MARCHF4: variants seen among roughly 807,000 people sequenced by gnomAD.
MARCHF4 encodes E3 ubiquitin-protein ligase MARCHF4.
In MARCHF4, 14 loss-of-function variants were observed where a neutral mutation model predicts 43.9. That is an observed-to-expected ratio of 0.32 (90% CI 0.21 to 0.50). The LOEUF (loss-of-function observed/expected upper bound fraction) is 0.50, where lower values mean the gene tolerates loss of function less well. MARCHF4 is among the 20% of genes least tolerant of loss of function. The pLI, the probability that MARCHF4 is intolerant of heterozygous loss-of-function variation, is 0.98. For missense variants in MARCHF4, 468 were observed against 536.7 expected (o/e 0.87, Z 1.27); for synonymous variants, 226 against 213.3 (o/e 1.06, Z -0.52).
At chr2:216,339,663 T>C (rs1183732691) in intron 1 of MARCHF4, among the ~76,000 whole-genome samples, 1 of 152,186 alleles carries the variant, frequency 6.6e-6, no homozygotes, top group African/African-American at 2.4e-5. Flanking sequence ...ACAATCCTTT[T>C]CAAATCCTCA....
intron 1 of MARCHF4, among the ~76,000 whole-genome samples, chr2:216,300,340 A>ATATATATGTATATACATATATATATACG (rs1691473275): frequency 1.5e-5 from 2 of 135,074 alleles, no homozygotes; most frequent in African/African-American, 6.1e-5. Context: ...CCATCTCGAT[A>ATATATATGTATATACATATATATATACG]TATATATATG....
intron 3 of MARCHF4, among the ~76,000 whole-genome samples, chr2:216,267,733 C>T (rs1032165401): frequency 6.6e-6 from 1 of 152,312 alleles, no homozygotes; most frequent in East Asian, 1.9e-4. Flanking sequence ...CAAATTGGGG[C>T]TATTTCTAGT....
chr2:216,280,638 G>T (rs1159642195), intron 2 of MARCHF4, among the ~76,000 whole-genome samples: 1 of 152,164 alleles, frequency 6.6e-6, no homozygotes, highest in Non-Finnish European at 1.5e-5. Flanking sequence ...TCCCAAACGT[G>T]CCTGTGCAGA....
chr2:216,277,502 C>CTT (rs1691045068), intron 3 of MARCHF4, among the ~76,000 whole-genome samples, 170 bp downstream of exon 3: 2 of 152,170 alleles, frequency 1.3e-5, no homozygotes, highest in African/African-American at 4.8e-5. Flanking sequence ...GCCTCCTCCC[C>CTT]CTTCCCATCC....
intron 1 of MARCHF4, among the ~76,000 whole-genome samples, chr2:216,368,686 C>G (rs113786787): frequency 0.018 from 2,742 of 152,358 alleles, 93 homozygotes; most frequent in African/African-American, 0.062. Flanking sequence ...CCTCCCTGCA[C>G]TTCAGGAAAC....
intron 1 of MARCHF4, among the ~76,000 whole-genome samples, chr2:216,306,433 T>G (rs75175701): frequency 0.069 from 10,460 of 152,280 alleles, 1,183 homozygotes; most frequent in African/African-American, 0.24. Flanking sequence ...TTATTGTGTG[T>G]CTTTATAATC....
chr2:216,351,943 A>G (rs1692410285), intron 1 of MARCHF4, among the ~76,000 whole-genome samples: 1 of 152,216 alleles, frequency 6.6e-6, no homozygotes, highest in East Asian at 1.9e-4. Context: ...CCAGATCCCT[A>G]CAGGTATGAG....
At position 216,283,606 on chromosome 2, in the gene MARCHF4, C is replaced by T. The variant is rs141705040; in HGVS notation, c.640G>A (p.Val214Ile). 12 of 1,610,574 alleles carry T rather than the reference C, an allele frequency of 7.5e-6. No homozygotes were observed. The highest frequency in any genetic ancestry group is 1.3e-5 in the African/African-American group (1 of 74,854). Residue 214 changes from valine to isoleucine, a missense_variant, in exon 2 of 4, where the codon GTC becomes ATC. Physicochemically the swap from Val to Ile is conservative, Grantham distance 29. This residue lies in a region of MARCHF4 where 158 missense variants were observed against 251.1 expected (regional missense o/e 0.63). Coordinates refer to ENST00000273067, the MANE Select transcript of MARCHF4 (RefSeq NM_020814.3). The part of the protein sequence containing the change: ...SCELCYYKYH[V>I]IAISTKNPLQ... ...GGATTTTTTGTGCTTATGGCGATGA[C>T]GTGGTACTTGTAGTAGCACAGCTCG...
Position 216,348,033 on chromosome 2 carries a change from T to TG in MARCHF4, c.516+21711_516+21712insC. 5.6e-5 allele frequency among the ~76,000 whole-genome samples: 3 copies of TG among 53,834 alleles called. 1 individual carries two copies. Among genetic ancestry groups the TG allele is most frequent in the Non-Finnish European group, 1.1e-4 (3 of 27,240 alleles). The allele number at this position is 53,834 out of a possible 152,430, so 35.3% of individuals were successfully genotyped here. Reference sequence around the variant, plus strand: ...GCATTCTCAGGAGGTTAAGGCATTCTTTTTTTTTTTTTTTTTTTTTTTAGA... The same window carrying TG: ...GCATTCTCAGGAGGTTAAGGCATTCTGTTTTTTTTTTTTTTTTTTTTTTAGA... On this transcript the variant is annotated intron_variant, in intron 1 of 3. Coordinates refer to ENST00000273067, the MANE Select transcript of MARCHF4 (RefSeq NM_020814.3).
Position 216,277,858 on chromosome 2 carries a change from C to T in MARCHF4, c.679G>A (p.Ala227Thr), listed in dbSNP as rs1691053125. 10 of 1,609,174 alleles carry T rather than the reference C, an allele frequency of 6.2e-6. No homozygotes were observed. Among genetic ancestry groups the T allele is most frequent in the Middle Eastern group, 1.6e-4 (1 of 6,068 alleles). ...TTCTCAATGACCGTCAGAGAGATGG[C>T]CTGCCACTGCAGGGGAGAGAGTGGC... ...ISTKNPLQWQ[A>T]ISLTVIEKVQ... The change falls in exon 3 of 4, where the codon GCC becomes ACC. Residue 227 changes from alanine to threonine, a missense_variant. Physicochemically the swap from Ala to Thr is moderately conservative, Grantham distance 58 (BLOSUM62 0). Transcript: ENST00000273067.
chr2:216,360,865 T>C (rs1692566435), intron 1 of MARCHF4, among the ~76,000 whole-genome samples: 1 of 152,014 alleles, frequency 6.6e-6, no homozygotes, highest in South Asian at 2.1e-4. Flanking sequence ...CTTACTATGT[T>C]GCCCAGGCTG....
At chr2:216,357,196 C>T (rs1337523813) in intron 1 of MARCHF4, among the ~76,000 whole-genome samples, 1 of 152,070 alleles carries the variant, frequency 6.6e-6, no homozygotes, top group Non-Finnish European at 1.5e-5. Flanking sequence ...ACCAAGGGTC[C>T]CACTAATGTC....
chr2:216,315,471 G>C (rs760933514), intron 1 of MARCHF4, among the ~76,000 whole-genome samples: 2 of 152,092 alleles, frequency 1.3e-5, no homozygotes, highest in Non-Finnish European at 2.9e-5. Flanking sequence ...TTAACTATCA[G>C]GATGTTCATT....
chr2:216,333,992 T>A (rs1364627837), intron 1 of MARCHF4, among the ~76,000 whole-genome samples: 1 of 151,306 alleles, frequency 6.6e-6, no homozygotes, highest in Non-Finnish European at 1.5e-5. Context: ...TGATACCTAA[T>A]GTTGGCTTGA....
At chr2:216,290,565 T>C (rs557586723) in intron 1 of MARCHF4, among the ~76,000 whole-genome samples, 1 of 152,292 alleles carries the variant, frequency 6.6e-6, no homozygotes, top group South Asian at 2.1e-4. Context: ...GAGAGTGGCA[T>C]GATCTGATCA....
At chr2:216,330,706 C>G (rs1188831342) in intron 1 of MARCHF4, among the ~76,000 whole-genome samples, 1 of 151,788 alleles carries the variant, frequency 6.6e-6, no homozygotes, top group African/African-American at 2.4e-5. Context: ...AAATCAATAA[C>G]AAAAAAACCC....
At chr2:216,324,503 AC>A (rs1276936165) in intron 1 of MARCHF4, among the ~76,000 whole-genome samples, 1 of 152,096 alleles carries the variant, frequency 6.6e-6, no homozygotes, top group Admixed American at 6.6e-5. Context: ...CCGGGCAGAG[AC>A]ACAACCAAAA....
intron 1 of MARCHF4, among the ~76,000 whole-genome samples, chr2:216,303,916 G>A: frequency 6.6e-6 from 1 of 152,202 alleles, no homozygotes; most frequent in East Asian, 1.9e-4. Flanking sequence ...TCTTTGTAAA[G>A]GAAGGGAGCA....
chr2:216,337,074 C>G (rs1692169881), intron 1 of MARCHF4, among the ~76,000 whole-genome samples: 1 of 151,370 alleles, frequency 6.6e-6, no homozygotes, highest in African/African-American at 2.4e-5. Context: ...ATCGCTGGAA[C>G]CTGGGAGACG....
Sources: gnomAD v4.1 joint callset for allele counts (sites outside exome capture counted in the v4.1 genomes callset) on GRCh38, gnomAD v4.1.1 for gene constraint, gnomAD v4.1.1 regional missense constraint, MANE v1.5 for transcripts, NCBI Gene and HGNC (gene_info 2026-07-23, HGNC 2026-07-21) for gene names.